The following ADCY2 variants were observed in gnomAD, a reference collection of about 807,000 sequenced individuals.
ADCY2 encodes adenylate cyclase type 2.
In ADCY2, 31 loss-of-function variants were observed where a neutral mutation model predicts 125.2. The ratio of observed to expected loss-of-function variants is 0.25; its 90% CI spans 0.19 to 0.33. The LOEUF (loss-of-function observed/expected upper bound fraction) is 0.33. Among genes scored for constraint, ADCY2 ranks in the 10% least tolerant of loss-of-function variants. ADCY2 has a pLI of 1.00. For missense variants in ADCY2, 904 were observed against 1,418.2 expected, an observed-to-expected ratio of 0.64 and a Z score of 5.82; for synonymous variants, 512 against 548.4, an observed-to-expected ratio of 0.93 and a Z score of 0.93.
chr5:7,467,717 G>A (rs1214057940), intron 2 of ADCY2, among the ~76,000 whole-genome samples: 1 of 152,192 alleles, frequency 6.6e-6, no homozygotes, highest in Non-Finnish European at 1.5e-5. Flanking sequence ...TGAGAAGACT[G>A]TCATATTCCT....
intron 2 of ADCY2, among the ~76,000 whole-genome samples, chr5:7,508,686 C>A (rs1428848251): frequency 6.6e-6 from 1 of 152,190 alleles, no homozygotes; most frequent in Non-Finnish European, 1.5e-5. Context: ...GGGGAGCACA[C>A]TTCACCTGCC....
chr5:7,655,483 G>A (rs1043000153), intron 4 of ADCY2, among the ~76,000 whole-genome samples: 2 of 152,186 alleles, frequency 1.3e-5, no homozygotes, highest in Non-Finnish European at 2.9e-5. Context: ...AAAGACTGAC[G>A]TTCCAGCTGA....
intron 3 of ADCY2, among the ~76,000 whole-genome samples, chr5:7,555,745 A>G (rs1735488712): frequency 6.6e-6 from 1 of 151,994 alleles, no homozygotes; most frequent in African/African-American, 2.4e-5. Flanking sequence ...GTATCTTTTC[A>G]TGTATCTTTT....
intron 4 of ADCY2, among the ~76,000 whole-genome samples, chr5:7,663,915 G>A (rs1213705466): frequency 1.3e-5 from 2 of 152,224 alleles, no homozygotes; most frequent in Non-Finnish European, 2.9e-5. Flanking sequence ...CAGAGGTCAG[G>A]AAGGTATCTG....
chr5:7,664,338 A>T (rs1402350303), intron 4 of ADCY2, among the ~76,000 whole-genome samples: 1 of 152,226 alleles, frequency 6.6e-6, no homozygotes, highest in African/African-American at 2.4e-5. Flanking sequence ...ATTCGTTTTT[A>T]CAATAAGACT....
intron 4 of ADCY2, among the ~76,000 whole-genome samples, chr5:7,641,699 C>T (rs555116617): frequency 1.6e-4 from 24 of 152,062 alleles, no homozygotes; most frequent in Non-Finnish European, 3.2e-4. Flanking sequence ...TCTAGTAGTC[C>T]CAGTGTCTAT....
At chr5:7,600,237 A>C (rs1047175171) in intron 3 of ADCY2, among the ~76,000 whole-genome samples, 8 of 152,180 alleles carry the variant, frequency 5.3e-5, no homozygotes, top group Non-Finnish European at 1.0e-4. Flanking sequence ...CATCCCCCTC[A>C]GTGGCCAAAT....
rs181330579 is a variant in ADCY2, at chr5:7,485,408, A to G, written c.409-35330A>G. Among the ~76,000 whole-genome samples, 16 of 152,328 alleles carry G rather than the reference A, an allele frequency of 1.1e-4. No homozygotes were observed. In the East Asian group the frequency reaches 1.7e-3, roughly 17 times the overall value. ...GTAAAATTCGTGGAACAAAAAAAGC[A>G]TGAAAAAATTAAGTTTAATTTCAGC... On this transcript the variant is annotated intron_variant, in intron 2 of 24. Coordinates refer to ENST00000338316, the MANE Select transcript of ADCY2 (RefSeq NM_020546.3).
intron 2 of ADCY2, among the ~76,000 whole-genome samples, chr5:7,454,409 C>A (rs1378569614): frequency 3.9e-5 from 6 of 152,024 alleles, no homozygotes; most frequent in East Asian, 1.9e-4. Context: ...GGTGTGGAGC[C>A]CAACCTACAA....
chr5:7,454,196 C>T (rs1473683705), intron 2 of ADCY2, among the ~76,000 whole-genome samples: 4 of 152,154 alleles, frequency 2.6e-5, no homozygotes. Flanking sequence ...GAGGCAAGAC[C>T]TTTCATCAGC....
intron 22 of ADCY2, among the ~76,000 whole-genome samples, chr5:7,806,355 T>A (rs142631912): frequency 5.2e-4 from 79 of 152,212 alleles, no homozygotes; most frequent in African/African-American, 1.9e-3. Flanking sequence ...GACAGGCATT[T>A]TTCTTACTGC....
chr5:7,456,132 A>G (rs1174320723), intron 2 of ADCY2, among the ~76,000 whole-genome samples: 2 of 151,982 alleles, frequency 1.3e-5, no homozygotes, highest in African/African-American at 4.8e-5. Context: ...CTATATTTAT[A>G]GTTTATAAAA....
intron 2 of ADCY2, among the ~76,000 whole-genome samples, chr5:7,465,446 C>T (rs1742079966): frequency 6.6e-6 from 1 of 152,180 alleles, no homozygotes; most frequent in Non-Finnish European, 1.5e-5. Context: ...TTCATTTTCT[C>T]CTGTCCCTAA....
chr5:7,475,897 A>G (rs1028112760), intron 2 of ADCY2, among the ~76,000 whole-genome samples: 3 of 152,178 alleles, frequency 2.0e-5, no homozygotes, highest in Admixed American at 6.5e-5. Context: ...CCAAGTGGAG[A>G]TGTCATACTT....
intron 22 of ADCY2, among the ~76,000 whole-genome samples, chr5:7,811,224 C>T (rs1009404784): frequency 6.6e-6 from 1 of 152,234 alleles, no homozygotes; most frequent in African/African-American, 2.4e-5. Context: ...ACATCTGGGC[C>T]GGGCGCAGTG....
intron 1 of ADCY2, among the ~76,000 whole-genome samples, chr5:7,407,507 CCAAA>C (rs1739543601): frequency 6.6e-6 from 1 of 152,132 alleles, no homozygotes; most frequent in East Asian, 1.9e-4. Context: ...TGGGGAACTG[CCAAA>C]CACTTTTAAA....
chr5:7,665,325 G>T (rs1189135043), intron 4 of ADCY2, among the ~76,000 whole-genome samples: 1 of 152,148 alleles, frequency 6.6e-6, no homozygotes, highest in African/African-American at 2.4e-5. Flanking sequence ...CACCAAGATA[G>T]CTTCCCAGAT....
At position 7,717,144 on chromosome 5, in the gene ADCY2, A is replaced by G. The variant is rs774134014; in HGVS notation, c.1623-13A>G. The stretch of plus-strand genomic sequence containing the variant: ...ATAATATCCTTACCCATAATATTCC[A>G]TTTTTCATATAGAACCAAGTCACAA... On this transcript the variant is annotated splice_polypyrimidine_tract_variant and intron_variant, in intron 11 of 24. Coordinates refer to ENST00000338316, the MANE Select transcript of ADCY2 (RefSeq NM_020546.3). 3.2e-6 allele frequency: 5 copies of G among 1,576,014 alleles called. No homozygotes were observed. The Admixed American group carries it at 8.6e-5, about 27-fold the overall frequency.
chr5:7,508,064 G>A (rs1743910308), intron 2 of ADCY2, among the ~76,000 whole-genome samples: 1 of 151,786 alleles, frequency 6.6e-6, no homozygotes, highest in Admixed American at 6.6e-5. Context: ...TTCTTCTTCT[G>A]ATGTTTCTAA....
Sources: allele counts gnomAD v4.1 joint callset (sites outside exome capture counted in the v4.1 genomes callset), GRCh38; gene constraint gnomAD v4.1.1; transcripts MANE v1.5; gene names NCBI Gene and HGNC (gene_info 2026-07-23, HGNC 2026-07-21).